Variants in RYR2 observed in about 807,000 individuals in gnomAD.
RYR2 encodes ryanodine receptor 2.
RYR2 carries 227 observed loss-of-function variants against 601.1 expected under a neutral mutation model. The observed-to-expected ratio is 0.38, with a 90% CI of 0.34 to 0.42. The LOEUF (loss-of-function observed/expected upper bound fraction) is 0.42. Ranked by LOEUF, RYR2 falls within the 10% of genes least tolerant of loss-of-function variation. The pLI is 1.00. For synonymous variants in RYR2, 2,223 were observed against 2,175.1 expected, an observed-to-expected ratio of 1.02 and a Z score of -0.61; for missense variants, 4,646 against 6,156.5, an observed-to-expected ratio of 0.75 and a Z score of 8.21.
intron 35 of RYR2, among the ~76,000 whole-genome samples, chr1:237,603,537 A>G (rs975593377): frequency 6.6e-6 from 1 of 152,246 alleles, no homozygotes; most frequent in South Asian, 2.1e-4. Context: ...CAAAATAACC[A>G]GCTGACATCA....
intron 24 of RYR2, among the ~76,000 whole-genome samples, chr1:237,512,126 A>C (rs1377568831): frequency 6.6e-6 from 1 of 152,162 alleles, no homozygotes; most frequent in East Asian, 1.9e-4. Flanking sequence ...GTCAGTCACA[A>C]ATTGTTACTG....
chr1:237,636,174 T>A (rs2139982), intron 44 of RYR2, among the ~76,000 whole-genome samples: 65,879 of 151,270 alleles, frequency 0.44, 15,753 homozygotes, highest in Non-Finnish European at 0.55. Context: ...TTAAGATAAT[T>A]GTATGTAAAA....
Position 237,788,083 on chromosome 1 carries a change from T to A in RYR2, c.13424T>A (p.Val4475Glu), listed in dbSNP as rs1347737490. 1 of 1,612,368 alleles carries A rather than the reference T, an allele frequency of 6.2e-7. No individual in the cohort carries two copies. The highest frequency in any genetic ancestry group is 1.3e-5 in the African/African-American group (1 of 74,994). ...ACACACAGATACGGAGAACCAGAAG[T>A]GCCAGAGTCAGCATTCTGGAAGAAA... ...LHTHRYGEPE[V>E]PESAFWKKII... Residue 4475 changes from valine to glutamate, a missense_variant, in exon 92 of 105, where the codon GTG becomes GAG. Physicochemically the swap from Val to Glu is moderately radical, Grantham distance 121. Transcript: ENST00000366574.
chr1:237,659,959 AT>A, intron 54 of RYR2, 25 bp from the exon 55 acceptor site: 1 of 1,503,008 alleles, frequency 6.7e-7, no homozygotes, highest in Non-Finnish European at 9.1e-7. Flanking sequence ...GTGTAAAACA[AT>A]TTTTAATGTT....
chr1:237,597,442 C>G (rs1676014892), intron 34 of RYR2, among the ~76,000 whole-genome samples: 1 of 151,644 alleles, frequency 6.6e-6, no homozygotes, highest in Non-Finnish European at 1.5e-5. Context: ...CCACCACACC[C>G]AGGTAATTTT....
chr1:237,551,325 T>C (rs2805454), intron 27 of RYR2, among the ~76,000 whole-genome samples: 135,190 of 151,968 alleles, frequency 0.89, 61,265 homozygotes, highest in East Asian at 0.97. Flanking sequence ...GTCAGGAGAT[T>C]GAGACCATCC....
At chr1:237,778,353 G>A (rs1405431702) in intron 87 of RYR2, among the ~76,000 whole-genome samples, 1 of 148,060 alleles carries the variant, frequency 6.8e-6, no homozygotes, top group Non-Finnish European at 1.5e-5. Context: ...AAAGCACCCA[G>A]ACCTTATTTT....
chr1:237,450,894 A>G (rs886871249), intron 14 of RYR2, among the ~76,000 whole-genome samples: 1 of 152,128 alleles, frequency 6.6e-6, no homozygotes, highest in African/African-American at 2.4e-5. Context: ...TTTTTCAAAA[A>G]CTAAATTTTA....
At position 237,236,568 on chromosome 1, in the gene RYR2, G is replaced by A. The variant is rs563756489; in HGVS notation, c.49-33929G>A. ...AGGAAAATTAAATGATTGATACAAG[G>A]TTGTGCAGATAGTTATTGGTAGAGA... is the stretch of plus-strand genomic sequence containing the variant. On this transcript the variant is annotated intron_variant, in intron 1 of 104. Coordinates refer to ENST00000366574, the MANE Select transcript of RYR2 (RefSeq NM_001035.3). Among the ~76,000 whole-genome samples, 29 of 152,214 alleles carry A rather than the reference G, an allele frequency of 1.9e-4. 2 individuals are homozygous for A. The highest frequency in any genetic ancestry group is 6.8e-3 in the Middle Eastern group (2 of 294).
At chr1:237,246,481 C>T (rs1686851529) in intron 1 of RYR2, among the ~76,000 whole-genome samples, 1 of 152,092 alleles carries the variant, frequency 6.6e-6, no homozygotes, top group Admixed American at 6.6e-5. Flanking sequence ...GCTTCCTTTC[C>T]CTTTCCCATT....
intron 79 of RYR2, among the ~76,000 whole-genome samples, chr1:237,741,022 C>T (rs1001554534): frequency 6.6e-6 from 1 of 152,146 alleles, no homozygotes; most frequent in Non-Finnish European, 1.5e-5. Flanking sequence ...GAGAACATTT[C>T]CTGCTTTCTG....
chr1:237,072,584 G>T (rs1664496502), intron 1 of RYR2, among the ~76,000 whole-genome samples: 1 of 152,112 alleles, frequency 6.6e-6, no homozygotes, highest in South Asian at 2.1e-4. Context: ...AAAGCTACTT[G>T]TTGCACACAT....
intron 17 of RYR2, among the ~76,000 whole-genome samples, chr1:237,484,289 C>T (rs1319077820): frequency 6.6e-6 from 1 of 152,134 alleles, no homozygotes; most frequent in Non-Finnish European, 1.5e-5. Context: ...CCACATACAT[C>T]TTGGTGTTCT....
chr1:237,521,754 AT>A (rs1305330073), intron 24 of RYR2, among the ~76,000 whole-genome samples: 28 of 150,562 alleles, frequency 1.9e-4, no homozygotes, highest in Admixed American at 2.0e-4. Context: ...ATAAAAAAAA[AT>A]AAAATCCATT....
chr1:237,727,554 C>T (rs879283553), intron 76 of RYR2, among the ~76,000 whole-genome samples: 1 of 152,052 alleles, frequency 6.6e-6, no homozygotes, highest in Non-Finnish European at 1.5e-5. Flanking sequence ...TTCTCTGCCC[C>T]ATGACATTGG....
chr1:237,216,905 G>A (rs1683242315), intron 1 of RYR2, among the ~76,000 whole-genome samples: 1 of 152,158 alleles, frequency 6.6e-6, no homozygotes, highest in Non-Finnish European at 1.5e-5. Flanking sequence ...AGTGCTTTGT[G>A]CATAGTGGCT....
chr1:237,823,888 A>G (rs1662798759), intron 101 of RYR2, among the ~76,000 whole-genome samples: 1 of 152,232 alleles, frequency 6.6e-6, no homozygotes, highest in African/African-American at 2.4e-5. Context: ...CCATCAGAGA[A>G]TACTGTAGAC....
chr1:237,050,836 C>G (rs962531309), intron 1 of RYR2, among the ~76,000 whole-genome samples: 1 of 152,226 alleles, frequency 6.6e-6, no homozygotes, highest in South Asian at 2.1e-4. Flanking sequence ...AAGTTGTATT[C>G]TCTTCTTTTC....
At position 237,610,814 on chromosome 1, in the gene RYR2, T is replaced by C. The variant is rs766750384; in HGVS notation, c.4736T>C (p.Val1579Ala). Residue 1579 changes from valine to alanine, a missense_variant, in exon 36 of 105, where the codon GTG (valine) becomes GCG (alanine). Transcript: ENST00000366574. The surrounding 1 kb of genome is among the most constrained non-coding windows in gnomAD (Gnocchi z 4.9). ...GLFKSEHKNP[V>A]PQCPPRLHVQ... is the part of the protein sequence containing the mutation. The stretch of plus-strand genomic sequence containing the variant: ...TTCAAGAGTGAGCACAAGAACCCCG[T>C]GCCGCAGTGCCCCCCGCGCCTCCAC... The C allele has an allele frequency of 7.4e-6, 12 of 1,611,648 alleles. No homozygotes were observed. Among genetic ancestry groups the C allele is most frequent in the Non-Finnish European group, 1.0e-5 (12 of 1,179,168 alleles).
Sources: gnomAD v4.1 joint callset for allele counts (sites outside exome capture counted in the v4.1 genomes callset) on GRCh38, gnomAD v4.1.1 for gene constraint, Gnocchi (gnomAD v3.1) non-coding constraint, MANE v1.5 for transcripts, NCBI Gene and HGNC (gene_info 2026-07-23, HGNC 2026-07-21) for gene names.